LYST: variants seen among roughly 807,000 people sequenced by gnomAD.
The protein encoded by LYST is lysosomal-trafficking regulator.
Under a neutral mutation model 413.6 loss-of-function variants are expected in LYST, and 192 were observed. The observed-to-expected ratio is 0.46, with a 90% confidence interval of 0.41 to 0.52. The LOEUF is 0.52. LYST is among the 20% of genes least tolerant of loss of function. The pLI is 0.00. For synonymous variants in LYST, 1,525 were observed against 1,567.3 expected, an observed-to-expected ratio of 0.97 and a Z score of 0.64; for missense variants, 3,815 against 4,499.9, an observed-to-expected ratio of 0.85 and a Z score of 4.35.
At chr1:235,873,833 A>G (rs1681035175) in intron 1 of LYST, among the ~76,000 whole-genome samples, 1 of 152,246 alleles carries the variant, frequency 6.6e-6, no homozygotes, top group African/African-American at 2.4e-5. Flanking sequence ...GTACAAGGAA[A>G]TTAAGAAACA....
chr1:235,858,627 C>T (rs1319280464), intron 1 of LYST, among the ~76,000 whole-genome samples: 1 of 152,174 alleles, frequency 6.6e-6, no homozygotes, highest in Non-Finnish European at 1.5e-5. Context: ...CTTGTCTTGG[C>T]TTGGCTTTGT....
chr1:235,741,849 G>T (rs1358880700), intron 30 of LYST, among the ~76,000 whole-genome samples: 1 of 152,192 alleles, frequency 6.6e-6, no homozygotes, highest in Non-Finnish European at 1.5e-5. Context: ...CCAAAAGGTG[G>T]AAACAGTCTG....
Position 235,809,362 on chromosome 1 carries a change from C to T in LYST, c.1456G>A (p.Val486Met), listed in dbSNP as rs1179464352. The change falls in exon 5 of 53, where the codon GTG becomes ATG. Residue 486 changes from valine to methionine, a missense_variant. Val to Met is a conservative substitution (Grantham distance 21). Coordinates refer to ENST00000389793, the MANE Select transcript of LYST (RefSeq NM_000081.4). This position sits in a 1 kb window ranked among gnomAD's most constrained non-coding sequence, Gnocchi z 4.0. ...VMKIMSTVKK[V>M]KSEQLHHSMC... ...GAATGATGAAGTTGCTCTGATTTCA[C>T]TTTTTTGACAGTGCTCATTATTTTC... is the stretch of plus-strand genomic sequence containing the variant. 1.2e-6 allele frequency: 2 copies of T among 1,613,966 alleles called. No individual in the cohort carries two copies. The highest frequency in any genetic ancestry group is 2.2e-5 in the East Asian group (1 of 44,870).
At chr1:235,753,369 G>A in intron 25 of LYST, 95 bp from the exon 26 acceptor site, 1 of 812,440 alleles carries the variant, frequency 1.2e-6, no homozygotes. Context: ...ACTTGATTTT[G>A]AAGTCATAAA....
At chr1:235,749,226 C>T (rs2103296182) in intron 28 of LYST, among the ~76,000 whole-genome samples, 1 of 152,078 alleles carries the variant, frequency 6.6e-6, no homozygotes, top group South Asian at 2.1e-4. Context: ...GCATACAAAG[C>T]CAATATACTT....
At chr1:235,694,954 C>G (rs1484628489) in intron 46 of LYST, among the ~76,000 whole-genome samples, 1 of 152,136 alleles carries the variant, frequency 6.6e-6, no homozygotes, top group African/African-American at 2.4e-5. Context: ...AGCTTGGACT[C>G]AAGCCCCAGA....
chr1:235,737,889 G>A, intron 31 of LYST: 1 of 1,124,042 alleles, frequency 8.9e-7, no homozygotes, highest in Non-Finnish European at 1.1e-6. Context: ...TTTAAAGGTA[G>A]CGAAGGTGCT....
rs575466061 is a variant in LYST at position 235,710,465 on chromosome 1, A to C, written c.9926-1157T>G. 2.6e-5 allele frequency among the ~76,000 whole-genome samples: 4 copies of C among 152,246 alleles called. No individual in the cohort carries two copies. The South Asian group carries it at 8.3e-4, about 32-fold the overall frequency. ...TGCATAAGGGCATTTGTACAAACTC[A>C]ATCTTTCCCAACTTTCAGGTGTTCT... On this transcript the variant is annotated intron_variant, in intron 43 of 52. Transcript: ENST00000389793.
chr1:235,753,278 TA>T lies in LYST; in HGVS notation c.7230-5del. ...TCTCACATCTTCCAGATCAAATCTA[TA>T]ATAAATAATACAGTTAAGAGCACAT... On this transcript the variant is annotated splice_polypyrimidine_tract_variant and splice_region_variant and intron_variant, in intron 25 of 52. Transcript: ENST00000389793. The T allele has an allele frequency of 6.7e-7, 1 of 1,487,978 alleles. No individual in the cohort carries two copies. The highest frequency in any genetic ancestry group is 9.4e-7 in the Non-Finnish European group (1 of 1,065,480). 92.2% of individuals were successfully genotyped at this position (1,487,978 alleles called of 1,614,324 possible). A position where few individuals can be genotyped will look rare whatever the true frequency, so the allele number is the denominator to read the frequency against.
intron 1 of LYST, among the ~76,000 whole-genome samples, chr1:235,857,369 T>C (rs1308800867): frequency 2.0e-5 from 3 of 152,130 alleles, no homozygotes. Flanking sequence ...CCCTGAAATA[T>C]CATGGGCTAT....
chr1:235,742,121 A>G (rs1665458509), intron 30 of LYST, among the ~76,000 whole-genome samples: 1 of 152,060 alleles, frequency 6.6e-6, no homozygotes, highest in South Asian at 2.1e-4. Context: ...GGGGTGGTAA[A>G]AGTTATTATT....
intron 11 of LYST, 90 bp from the exon 12 acceptor site, chr1:235,792,215 A>G (rs1011376013): frequency 1.4e-5 from 11 of 780,396 alleles, no homozygotes; most frequent in Non-Finnish European, 2.1e-5. Context: ...GAAAATACAA[A>G]CATACCCACA....
At position 235,877,502 on chromosome 1, in the gene LYST, G is replaced by C. The variant is rs562848959; in HGVS notation, n.454+5685C>G. On this transcript the variant is annotated intron_variant and non_coding_transcript_variant, in intron 1 of 11. Transcript: ENST00000465349. Reference sequence around the variant, plus strand: ...CCTCACTGCAACCTCTGCCTCCCGGGTTCAAGCAATTCTCCTGCCTCTGCC... The same window carrying C: ...CCTCACTGCAACCTCTGCCTCCCGGCTTCAAGCAATTCTCCTGCCTCTGCC... 5.3e-5 allele frequency among the ~76,000 whole-genome samples: 8 copies of C among 152,262 alleles called. No individual in the cohort carries two copies. The South Asian group carries it at 1.7e-3, about 32-fold the overall frequency.
At chr1:235,682,379 G>A (rs1659892813) in intron 48 of LYST, among the ~76,000 whole-genome samples, 1 of 152,196 alleles carries the variant, frequency 6.6e-6, no homozygotes, top group Admixed American at 6.5e-5. Flanking sequence ...AGGTGCCTTA[G>A]CTCAACAGGC....
intron 4 of LYST, 110 bp from the exon 5 acceptor site, chr1:235,810,644 A>T (rs1673366674): frequency 8.0e-6 from 8 of 993,862 alleles, no homozygotes; most frequent in Non-Finnish European, 1.2e-5. Context: ...GTTTATCCTC[A>T]ATGTATTTTG....
intron 31 of LYST, chr1:235,738,892 C>A: frequency 1.3e-6 from 1 of 742,968 alleles, no homozygotes; most frequent in Non-Finnish European, 2.5e-6. Context: ...AATGGAATCT[C>A]AGACCGTGTG....
At position 235,734,658 on chromosome 1, in the gene LYST, T is replaced by C. The variant is rs199926046; in HGVS notation, c.8360A>G (p.His2787Arg). ...LRDCLSPSLQ[H>R]GAKLVLYLSE... Reference sequence around the variant, plus strand: ...CAAATACAAAACTAACTTGGCTCCATGCTTTAAAAAAAGTAATAATTTTTT... The same window carrying C: ...CAAATACAAAACTAACTTGGCTCCACGCTTTAAAAAAAGTAATAATTTTTT... Residue 2787 changes from histidine to arginine, a missense_variant and splice_region_variant, in exon 32 of 53, where the codon CAT becomes CGT. By Grantham distance (29) the His-to-Arg change is conservative. Around this residue, in one of 4 missense-constraint regions of LYST, gnomAD observed 771 missense variants for 837.1 expected, o/e 0.92. Transcript: ENST00000389793. 2.5e-6 allele frequency: 4 copies of C among 1,601,094 alleles called. No homozygotes were observed. Among genetic ancestry groups the C allele is most frequent in the East Asian group, 2.2e-5 (1 of 44,720 alleles).
chr1:235,819,867 C>T (rs1455009406), intron 3 of LYST, among the ~76,000 whole-genome samples: 3 of 152,070 alleles, frequency 2.0e-5, no homozygotes, highest in South Asian at 2.1e-4. Context: ...AGGATGGTCT[C>T]GATCTCCTGA....
intron 16 of LYST, among the ~76,000 whole-genome samples, chr1:235,780,278 A>G (rs1439064206): frequency 6.6e-6 from 1 of 151,654 alleles, no homozygotes; most frequent in Non-Finnish European, 1.5e-5. Flanking sequence ...GTGATGCATG[A>G]CCACAGGCCC....
Sources: gnomAD v4.1 joint callset for allele counts (sites outside exome capture counted in the v4.1 genomes callset) on GRCh38, gnomAD v4.1.1 for gene constraint, gnomAD v4.1.1 regional missense constraint, Gnocchi (gnomAD v3.1) non-coding constraint, MANE v1.5 for transcripts, NCBI Gene and HGNC (gene_info 2026-07-23, HGNC 2026-07-21) for gene names.